The following CNTNAP2 variants were observed in gnomAD, a reference collection of about 807,000 sequenced individuals.
CNTNAP2 encodes contactin-associated protein-like 2.
Under a neutral mutation model 155.2 loss-of-function variants are expected in CNTNAP2, and 98 were observed. The ratio of observed to expected loss-of-function variants is 0.63; its 90% confidence interval spans 0.54 to 0.75. CNTNAP2 has a LOEUF of 0.75. Ranked by LOEUF, CNTNAP2 falls within the 30% of genes least tolerant of loss-of-function variation. The pLI is 0.00. For synonymous variants in CNTNAP2, 651 were observed against 631.2 expected, an observed-to-expected ratio of 1.03 and a Z score of -0.47; for missense variants, 1,727 against 1,688.1, an observed-to-expected ratio of 1.02 and a Z score of -0.40.
Position 148,058,607 on chromosome 7 carries a change from A to G in CNTNAP2, c.2384-59511A>G, listed in dbSNP as rs560158780. Among the ~76,000 whole-genome samples the G allele has an allele frequency of 6.5e-4, 99 of 152,256 alleles. No homozygotes were observed. In the South Asian group the frequency reaches 0.012, roughly 18 times the overall value. ...ATGGAGCATGCACAACCAGGTCTGC[A>G]TATCCGAGAGTGGTCATTTCCTTGC... On this transcript the variant is annotated intron_variant, in intron 15 of 23. Coordinates refer to ENST00000361727, the MANE Select transcript of CNTNAP2 (RefSeq NM_014141.6).
chr7:146,412,125 G>A (rs954939501), intron 1 of CNTNAP2, among the ~76,000 whole-genome samples: 19 of 152,014 alleles, frequency 1.2e-4, no homozygotes, highest in African/African-American at 4.1e-4. Flanking sequence ...GAGCCACCGC[G>A]CCCGGCCAAC....
intron 2 of CNTNAP2, among the ~76,000 whole-genome samples, chr7:146,783,951 A>G (rs1325145567): frequency 6.6e-6 from 1 of 152,152 alleles, no homozygotes; most frequent in Non-Finnish European, 1.5e-5. Flanking sequence ...CGGGCTTTCA[A>G]TGGGGTTTCT....
At chr7:148,361,928 C>T (rs978638793) in intron 21 of CNTNAP2, among the ~76,000 whole-genome samples, 1 of 151,956 alleles carries the variant, frequency 6.6e-6, no homozygotes, top group African/African-American at 2.4e-5. Context: ...CACGGTGGCT[C>T]ACGCCTGTAA....
At chr7:147,205,365 A>C (rs750830810) in intron 8 of CNTNAP2, among the ~76,000 whole-genome samples, 3 of 151,946 alleles carry the variant, frequency 2.0e-5, no homozygotes, top group Non-Finnish European at 4.4e-5. Context: ...TTCCATATAC[A>C]CTTTAAGATT....
intron 13 of CNTNAP2, among the ~76,000 whole-genome samples, chr7:147,815,087 A>G (rs902334265): frequency 6.6e-6 from 1 of 152,170 alleles, no homozygotes; most frequent in South Asian, 2.1e-4. Context: ...CAGTCAGGAA[A>G]CAATTGGTAA....
chr7:146,324,828 G>A (rs1362699053), intron 1 of CNTNAP2, among the ~76,000 whole-genome samples: 3 of 151,694 alleles, frequency 2.0e-5, no homozygotes, highest in Admixed American at 2.0e-4. Context: ...AAACCAAAAC[G>A]AAAACGAACT....
intron 15 of CNTNAP2, among the ~76,000 whole-genome samples, chr7:148,078,156 T>G (rs1465133445): frequency 6.6e-6 from 1 of 151,364 alleles, no homozygotes; most frequent in East Asian, 2.0e-4. Flanking sequence ...CTCCACCTCC[T>G]GGGTTCAAGC....
intron 1 of CNTNAP2, among the ~76,000 whole-genome samples, chr7:146,692,744 C>T (rs1242623179): frequency 6.6e-6 from 1 of 152,068 alleles, no homozygotes; most frequent in Non-Finnish European, 1.5e-5. Context: ...GTTTCTGTAG[C>T]TATCTGAGAT....
chr7:146,887,087 T>A (rs576066822), intron 3 of CNTNAP2, among the ~76,000 whole-genome samples: 1 of 152,116 alleles, frequency 6.6e-6, no homozygotes, highest in East Asian at 1.9e-4. Context: ...TCAGACTAAG[T>A]ATTCATAAAA....
chr7:147,986,703 C>CAATG (rs1344772299), intron 15 of CNTNAP2, among the ~76,000 whole-genome samples: 3 of 152,134 alleles, frequency 2.0e-5, no homozygotes, highest in African/African-American at 4.8e-5. Context: ...TGACCTGGAA[C>CAATG]AATGACCTTG....
chr7:147,367,030 G>A (rs1216344617), intron 9 of CNTNAP2, among the ~76,000 whole-genome samples: 1 of 151,976 alleles, frequency 6.6e-6, no homozygotes, highest in Non-Finnish European at 1.5e-5. Context: ...TTTATTGTAG[G>A]ATCAAACAAG....
At chr7:147,720,434 A>G (rs1356952848) in intron 13 of CNTNAP2, among the ~76,000 whole-genome samples, 1 of 152,152 alleles carries the variant, frequency 6.6e-6, no homozygotes, top group Non-Finnish European at 1.5e-5. Flanking sequence ...ATCACGTTAA[A>G]CAAAAACAGG....
intron 1 of CNTNAP2, among the ~76,000 whole-genome samples, chr7:146,566,194 G>C (rs1798354725): frequency 6.6e-6 from 1 of 152,152 alleles, no homozygotes; most frequent in African/African-American, 2.4e-5. Context: ...AGATAGCATC[G>C]TCGTTTTAAT....
At chr7:146,205,354 T>C (rs997658502) in intron 1 of CNTNAP2, among the ~76,000 whole-genome samples, 1 of 151,966 alleles carries the variant, frequency 6.6e-6, no homozygotes, top group Non-Finnish European at 1.5e-5. Flanking sequence ...GATACACATA[T>C]TTATGTATTC....
At chr7:146,740,961 T>C (rs1801705858) in intron 1 of CNTNAP2, among the ~76,000 whole-genome samples, 1 of 152,188 alleles carries the variant, frequency 6.6e-6, no homozygotes, top group South Asian at 2.1e-4. Context: ...GGTGGGTCTA[T>C]AGGCTCAGTC....
chr7:147,738,280 G>A (rs954256404), intron 13 of CNTNAP2, among the ~76,000 whole-genome samples: 10 of 152,280 alleles, frequency 6.6e-5, no homozygotes, highest in Middle Eastern at 3.4e-3. Context: ...AAGCAACAAC[G>A]GGATTTGAGA....
chr7:147,975,792 T>C (rs1306218419), intron 14 of CNTNAP2, among the ~76,000 whole-genome samples: 1 of 152,214 alleles, frequency 6.6e-6, no homozygotes, highest in African/African-American at 2.4e-5. Context: ...CCCAAACCCC[T>C]TGCTCAACTT....
At chr7:147,171,893 A>G (rs1174683207) in intron 8 of CNTNAP2, among the ~76,000 whole-genome samples, 1 of 152,106 alleles carries the variant, frequency 6.6e-6, no homozygotes, top group East Asian at 1.9e-4. Context: ...CCAGTGAAAT[A>G]TGTTCTATGA....
intron 13 of CNTNAP2, among the ~76,000 whole-genome samples, chr7:147,778,258 G>A (rs117906614): frequency 0.013 from 2,017 of 152,242 alleles, 103 homozygotes; most frequent in Admixed American, 0.089. Context: ...CAGAGACACT[G>A]TAATATTTTT....
Sources: allele counts gnomAD v4.1 joint callset (sites outside exome capture counted in the v4.1 genomes callset), GRCh38; gene constraint gnomAD v4.1.1; transcripts MANE v1.5; gene names NCBI Gene and HGNC (gene_info 2026-07-23, HGNC 2026-07-21).